The following SHB variants were observed in gnomAD, a reference collection of about 807,000 sequenced individuals.
SHB encodes SH2 domain-containing adapter protein B.
Under a neutral mutation model 52.3 loss-of-function variants are expected in SHB, and 20 were observed. The observed-to-expected ratio is 0.38, with a 90% CI of 0.27 to 0.56. The LOEUF is 0.56. Among genes scored for constraint, SHB ranks in the 20% least tolerant of loss-of-function variants. The probability of loss-of-function intolerance (pLI) is 0.71; values close to 1 mark genes in which losing one functional copy is unlikely to be tolerated. For synonymous variants in SHB, 397 were observed against 316.5 expected (o/e 1.25, Z -2.70); for missense variants, 825 against 723.3 (o/e 1.14, Z -1.61).
rs540976875 is a variant in SHB at position 38,000,378 on chromosome 9, G to A, written c.838+15633C>T. On this transcript the variant is annotated intron_variant, in intron 2 of 5. Transcript: ENST00000377707. ...TCTACAGGATGGGGCCTAGGAATCC[G>A]CATTTTCACCACTGCCCACGACCTT... 2.0e-5 allele frequency among the ~76,000 whole-genome samples: 3 copies of A among 152,332 alleles called. No homozygotes were observed. In the East Asian group the frequency reaches 5.8e-4, roughly 29 times the overall value.
intron 5 of SHB, among the ~76,000 whole-genome samples, chr9:37,932,707 G>A (rs1285475458): frequency 6.6e-6 from 1 of 152,134 alleles, no homozygotes; most frequent in African/African-American, 2.4e-5. Flanking sequence ...CCAAATGCCT[G>A]GGCTCATGGA....
At chr9:37,974,253 T>C (rs1289335108) in intron 3 of SHB, among the ~76,000 whole-genome samples, 1 of 151,840 alleles carries the variant, frequency 6.6e-6, no homozygotes, top group Non-Finnish European at 1.5e-5. Context: ...CGAAACTCTG[T>C]CTCAAAAATA....
intron 2 of SHB, among the ~76,000 whole-genome samples, chr9:37,979,733 G>A (rs1041434645): frequency 6.6e-6 from 1 of 152,138 alleles, no homozygotes; most frequent in African/African-American, 2.4e-5. Flanking sequence ...AAGGTGGGCA[G>A]ATCACTTGAG....
rs551114199 is a variant in SHB, at chr9:37,917,676, C to T, written c.*2145G>A. On this transcript the variant is annotated 3_prime_UTR_variant, in exon 6 of 6. Coordinates refer to ENST00000377707, the MANE Select transcript of SHB (RefSeq NM_003028.3). ...CCTCACTCATCTTGTCATTTCCCAC[C>T]TACCTTCCCACTCCCCCAAAGGAAA... 6.6e-6 allele frequency among the ~76,000 whole-genome samples: 1 copy of T among 152,236 alleles called. No individual in the cohort carries two copies. The highest frequency in any genetic ancestry group is 1.5e-5 in the Non-Finnish European group (1 of 68,036).
At chr9:38,021,231 T>C (rs1215294046) in intron 1 of SHB, among the ~76,000 whole-genome samples, 3 of 151,910 alleles carry the variant, frequency 2.0e-5, no homozygotes, top group Admixed American at 2.0e-4. Context: ...TCCCAGCTAC[T>C]TGGGAGGCTG....
At chr9:38,009,779 T>C (rs779587128) in intron 2 of SHB, among the ~76,000 whole-genome samples, 2 of 152,222 alleles carry the variant, frequency 1.3e-5, no homozygotes, top group Non-Finnish European at 2.9e-5. Context: ...AGGCCAGTTG[T>C]AAGCAAGGAA....
At chr9:37,999,088 G>C (rs1820982718) in intron 2 of SHB, among the ~76,000 whole-genome samples, 1 of 152,216 alleles carries the variant, frequency 6.6e-6, no homozygotes, top group African/African-American at 2.4e-5. Context: ...AAAGCAAGTG[G>C]GTGATGGGGT....
At chr9:38,035,362 A>G (rs1232492327) in intron 1 of SHB, among the ~76,000 whole-genome samples, 1 of 151,942 alleles carries the variant, frequency 6.6e-6, no homozygotes, top group Non-Finnish European at 1.5e-5. Flanking sequence ...AGGAGGACCT[A>G]GACTGAGATC....
chr9:37,948,671 C>T lies in SHB; in HGVS notation c.1310G>A (p.Ser437Asn). The stretch of plus-strand genomic sequence containing the variant: ...GGAGTAGTCATGCTTGCTGGTCTGG[C>T]TGTTCCGGACAAGGTAGCTACACTC... Reference protein sequence around the residue: ...CKECSYLVRNSQTSKHDYSLS... With the variant: ...CKECSYLVRNNQTSKHDYSLS... The change falls in exon 5 of 6, where the codon AGC (serine) becomes AAC (asparagine). Residue 437 changes from serine to asparagine, a missense_variant. Ser to Asn is a conservative substitution (Grantham distance 46). Transcript: ENST00000377707. 6.2e-7 allele frequency: 1 copy of T among 1,613,942 alleles called. No individual in the cohort carries two copies.
chr9:37,954,871 A>C (rs1264852411), intron 4 of SHB, among the ~76,000 whole-genome samples: 1 of 152,146 alleles, frequency 6.6e-6, no homozygotes, highest in Non-Finnish European at 1.5e-5. Context: ...TTGGCAGAGC[A>C]GGGAGATGAT....
At chr9:38,065,838 CACAAGGGACTTCACCTGCAGTTCCCTGA>C (rs1564114605) in intron 1 of SHB, among the ~76,000 whole-genome samples, 1 of 152,182 alleles carries the variant, frequency 6.6e-6, no homozygotes, top group Non-Finnish European at 1.5e-5. Flanking sequence ...CAATTTCAGC[CACAAGGGACTTCACCTGCAGTTCCCTGA>C]AGCACAGGGT....
chr9:37,920,146 C>A, intron 5 of SHB, 142 bp from the exon 6 acceptor site: 3 of 656,544 alleles, frequency 4.6e-6, no homozygotes, highest in Non-Finnish European at 2.6e-6. Flanking sequence ...GGACCGAGGC[C>A]CAGGACCAGA....
intron 1 of SHB, among the ~76,000 whole-genome samples, chr9:38,029,129 C>T (rs1821382281): frequency 6.6e-6 from 1 of 152,316 alleles, no homozygotes. Flanking sequence ...ACAGCCTTTG[C>T]CTTGAAATCT....
At chr9:37,974,458 C>T (rs530311388) in intron 3 of SHB, among the ~76,000 whole-genome samples, 164 bp downstream of exon 3, 3 of 152,218 alleles carry the variant, frequency 2.0e-5, no homozygotes, top group Non-Finnish European at 2.9e-5. Context: ...ACCCTCACCT[C>T]TCCCTTTCCT....
intron 1 of SHB, among the ~76,000 whole-genome samples, chr9:38,046,792 G>C (rs1039064185): frequency 4.6e-5 from 7 of 152,224 alleles, no homozygotes; most frequent in Non-Finnish European, 8.8e-5. Context: ...TTGGGCCTCG[G>C]CCTGACAGGC....
At position 38,068,520 on chromosome 9, in the gene SHB, C is replaced by T; in HGVS notation, c.126G>A (p.Gln42=). 3 of 1,460,108 alleles carry T rather than the reference C, an allele frequency of 2.1e-6. No individual in the cohort carries two copies. Among genetic ancestry groups the T allele is most frequent in the Non-Finnish European group, 1.8e-6 (2 of 1,116,666 alleles). 90.4% of individuals were successfully genotyped at this position (1,460,108 alleles called of 1,614,324 possible). A position where few individuals can be genotyped will look rare whatever the true frequency, so the allele number is the denominator to read the frequency against. The change falls in exon 1 of 6, where the codon CAG becomes CAA. Residue 42 remains glutamine, a synonymous_variant. Coordinates refer to ENST00000377707, the MANE Select transcript of SHB (RefSeq NM_003028.3). ...CGGCGGAGGAGGCCTGCGGCACGGC[C>T]TGGGGGGGCTGCGAAGGCCGCTCGC... ...RRGERPSQPP[Q]AVPQASSAAS...
chr9:38,067,941 G>C lies in SHB; in HGVS notation c.705C>G (p.Gly235=). The C allele has an allele frequency of 6.5e-7, 1 of 1,538,460 alleles. No homozygotes were observed. The highest frequency in any genetic ancestry group is 8.7e-7 in the Non-Finnish European group (1 of 1,153,042). ...AGGGGCACCTTACCTTGTCCTTCTT[G>C]CCGGCCCCGCTCTCCTCCGCGGCTG... ...AASAAEESGA[G]KKDKVTIADD... The change falls in exon 1 of 6, where the codon GGC becomes GGG. Residue 235 remains glycine (G), a synonymous_variant. Transcript: ENST00000377707.
At chr9:38,052,259 A>G (rs1821760877) in intron 1 of SHB, among the ~76,000 whole-genome samples, 1 of 150,988 alleles carries the variant, frequency 6.6e-6, no homozygotes, top group Non-Finnish European at 1.5e-5. Flanking sequence ...GCTGCTTGGT[A>G]GCTCTGTCCT....
chr9:38,048,490 T>C (rs1821688765), intron 1 of SHB, among the ~76,000 whole-genome samples: 1 of 152,112 alleles, frequency 6.6e-6, no homozygotes, highest in Non-Finnish European at 1.5e-5. Flanking sequence ...TTAAATTAGC[T>C]GGGCATGGTG....
Sources: allele counts gnomAD v4.1 joint callset (sites outside exome capture counted in the v4.1 genomes callset), GRCh38; gene constraint gnomAD v4.1.1; transcripts MANE v1.5; gene names NCBI Gene and HGNC (gene_info 2026-07-23, HGNC 2026-07-21).